The following PRKAR2B variants were observed in gnomAD, a reference collection of about 807,000 sequenced individuals.
PRKAR2B encodes cAMP-dependent protein kinase type II-beta regulatory subunit.
Under a neutral mutation model 49.9 loss-of-function variants are expected in PRKAR2B, and 14 were observed. That is an observed-to-expected ratio of 0.28 (90% CI 0.19 to 0.44). The LOEUF (loss-of-function observed/expected upper bound fraction) is 0.44, where lower values mean the gene tolerates loss of function less well. Ranked by LOEUF, PRKAR2B falls within the 20% of genes least tolerant of loss-of-function variation. The pLI is 1.00. For missense variants in PRKAR2B, 393 were observed against 537.9 expected (o/e 0.73, Z 2.67); for synonymous variants, 196 against 197.7 (o/e 0.99, Z 0.07).
In PRKAR2B at chr7:107,136,576, A is replaced by G. The variant is rs567853987; in HGVS notation, c.481-4271A>G. Among the ~76,000 whole-genome samples, 3 of 152,376 alleles carry G rather than the reference A, an allele frequency of 2.0e-5. 1 individual carries two copies. In the South Asian group the frequency reaches 6.2e-4, roughly 32 times the overall value. On this transcript the variant is annotated intron_variant, in intron 4 of 10. Transcript: ENST00000265717. Reference sequence around the variant, plus strand: ...GAAAAGATGCTCCACATCACATGTCATCAGGGAAATGCAACTTAAAACAGC... The same window carrying G: ...GAAAAGATGCTCCACATCACATGTCGTCAGGGAAATGCAACTTAAAACAGC...
At chr7:107,099,475 G>A (rs1484585933) in intron 2 of PRKAR2B, among the ~76,000 whole-genome samples, 3 of 152,016 alleles carry the variant, frequency 2.0e-5, no homozygotes, top group Non-Finnish European at 2.9e-5. Flanking sequence ...CAGTTGAGGC[G>A]ATGCCCCGCC....
intron 2 of PRKAR2B, among the ~76,000 whole-genome samples, chr7:107,107,814 T>G (rs1562859369): frequency 6.6e-6 from 1 of 152,044 alleles, no homozygotes; most frequent in Non-Finnish European, 1.5e-5. Flanking sequence ...CGCGCCACCA[T>G]GCCCAGCTAA....
intron 3 of PRKAR2B, among the ~76,000 whole-genome samples, chr7:107,125,131 CCATA>C (rs1795461316): frequency 6.6e-6 from 1 of 152,116 alleles, no homozygotes; most frequent in Admixed American, 6.5e-5. Context: ...AGCCTAGAGG[CCATA>C]CATACAAAAA....
chr7:107,115,564 T>C (rs1051219875), intron 2 of PRKAR2B, among the ~76,000 whole-genome samples: 9 of 152,226 alleles, frequency 5.9e-5, no homozygotes, highest in African/African-American at 2.2e-4. Flanking sequence ...GACAGCCTTA[T>C]TCTGTAGACT....
At chr7:107,062,202 C>CA (rs1220303062) in intron 1 of PRKAR2B, among the ~76,000 whole-genome samples, 10 of 152,164 alleles carry the variant, frequency 6.6e-5, no homozygotes, top group African/African-American at 2.4e-4. Flanking sequence ...GTAACATTTA[C>CA]AAAATGGTTG....
intron 9 of PRKAR2B, 38 bp from the exon 10 acceptor site, chr7:107,157,148 A>C (rs762074632): frequency 1.9e-6 from 3 of 1,607,994 alleles, no homozygotes; most frequent in Admixed American, 3.4e-5. Flanking sequence ...ATTTTTCATA[A>C]GCTGAGGAAA....
intron 2 of PRKAR2B, among the ~76,000 whole-genome samples, chr7:107,117,331 A>G (rs1795294822): frequency 6.6e-6 from 1 of 152,150 alleles, no homozygotes; most frequent in Admixed American, 6.6e-5. Flanking sequence ...CTTTTGTAAC[A>G]GCTTTATTTT....
intron 2 of PRKAR2B, among the ~76,000 whole-genome samples, chr7:107,072,994 A>G (rs1256138060): frequency 1.3e-5 from 2 of 152,182 alleles, no homozygotes; most frequent in Non-Finnish European, 2.9e-5. Context: ...TGCTATATGT[A>G]TATATTACAA....
At chr7:107,156,911 A>C (rs879031914) in intron 8 of PRKAR2B, 73 bp from the exon 9 acceptor site, 4 of 1,283,688 alleles carry the variant, frequency 3.1e-6, no homozygotes, top group Non-Finnish European at 4.5e-6. Flanking sequence ...AATTTTAGGG[A>C]TATGAAAGGT....
chr7:107,100,844 C>G (rs1453124295), intron 2 of PRKAR2B, among the ~76,000 whole-genome samples: 1 of 145,906 alleles, frequency 6.9e-6, no homozygotes, highest in African/African-American at 2.5e-5. Flanking sequence ...TTTAGAATTT[C>G]TCTCTTTATT....
At chr7:107,076,828 T>G (rs1226785611) in intron 2 of PRKAR2B, among the ~76,000 whole-genome samples, 1 of 152,242 alleles carries the variant, frequency 6.6e-6, no homozygotes, top group Non-Finnish European at 1.5e-5. Context: ...ACACACCTAC[T>G]GTGTAAAATG....
At chr7:107,124,434 A>T (rs954514806) in intron 3 of PRKAR2B, among the ~76,000 whole-genome samples, 11 of 152,194 alleles carry the variant, frequency 7.2e-5, no homozygotes, top group African/African-American at 2.4e-4. Context: ...TGAATAAATT[A>T]GTGAAAAGTT....
chr7:107,107,615 G>T (rs1370139011), intron 2 of PRKAR2B, among the ~76,000 whole-genome samples: 1 of 151,598 alleles, frequency 6.6e-6, no homozygotes, highest in Non-Finnish European at 1.5e-5. Context: ...GGTATGAATG[G>T]GTAGTGAAGT....
chr7:107,063,517 G>T (rs1027755076), intron 1 of PRKAR2B, among the ~76,000 whole-genome samples: 2 of 152,082 alleles, frequency 1.3e-5, no homozygotes, highest in African/African-American at 2.4e-5. Context: ...TGCCAGCTCT[G>T]GAGAAAAGGA....
chr7:107,148,650 G>A (rs935907210), intron 6 of PRKAR2B, among the ~76,000 whole-genome samples: 1 of 152,266 alleles, frequency 6.6e-6, no homozygotes, highest in African/African-American at 2.4e-5. Flanking sequence ...CCTTCTCAGG[G>A]AGAGTCGAGT....
chr7:107,116,492 G>A (rs1177370060), intron 2 of PRKAR2B, among the ~76,000 whole-genome samples: 3 of 152,178 alleles, frequency 2.0e-5, no homozygotes, highest in South Asian at 2.1e-4. Context: ...TATAAAATGT[G>A]TAGGCAAAAC....
intron 2 of PRKAR2B, among the ~76,000 whole-genome samples, chr7:107,104,242 C>A (rs778818830): frequency 2.0e-5 from 3 of 152,216 alleles, no homozygotes; most frequent in Middle Eastern, 3.4e-3. Flanking sequence ...ACTGTGTTGT[C>A]CAGGCTGGCC....
At chr7:107,142,677 G>A (rs574091493) in intron 5 of PRKAR2B, among the ~76,000 whole-genome samples, 2 of 152,108 alleles carry the variant, frequency 1.3e-5, no homozygotes, top group South Asian at 4.1e-4. Flanking sequence ...CTCCTGCCCT[G>A]TTCATGTTCT....
At chr7:107,156,311 G>A (rs918114538) in intron 8 of PRKAR2B, among the ~76,000 whole-genome samples, 2 of 152,098 alleles carry the variant, frequency 1.3e-5, no homozygotes, top group East Asian at 1.9e-4. Flanking sequence ...GGTAGCACAT[G>A]CCTGTAATCC....
Sources: allele counts gnomAD v4.1 joint callset (sites outside exome capture counted in the v4.1 genomes callset), GRCh38; gene constraint gnomAD v4.1.1; transcripts MANE v1.5; gene names NCBI Gene and HGNC (gene_info 2026-07-23, HGNC 2026-07-21).